The following PIGM variants were observed in gnomAD, a reference collection of about 807,000 sequenced individuals.
PIGM encodes GPI alpha-1,4-mannosyltransferase I, catalytic subunit.
A neutral mutation model predicts 14.6 loss-of-function variants in PIGM; 7 were observed. The observed-to-expected ratio is 0.48, with a 90% CI of 0.27 to 0.90. The LOEUF (loss-of-function observed/expected upper bound fraction) is 0.90. Among genes scored for constraint, PIGM ranks in the 40% least tolerant of loss-of-function variants. The probability of loss-of-function intolerance (pLI) is 0.12; values close to 1 mark genes in which losing one functional copy is unlikely to be tolerated. For synonymous variants in PIGM, 216 were observed against 215.9 expected (o/e 1.00, Z 0.00); for missense variants, 506 against 516.2 (o/e 0.98, Z 0.19).
At position 160,031,449 on chromosome 1, in the gene PIGM, A is replaced by T; in HGVS notation, c.291T>A (p.Phe97Leu). The change falls in exon 1 of 1, where the codon TTT (phenylalanine) becomes TTA (leucine). Residue 97 changes from phenylalanine (F) to leucine (L), a missense_variant. Phe to Leu is a conservative substitution (Grantham distance 22, BLOSUM62 0). Coordinates refer to ENST00000368090, the MANE Select transcript of PIGM (RefSeq NM_145167.3). The part of the protein sequence containing the change: ...NIYLSELFGK[F>L]LFISCDLLTA... ...TGAGGAGGTCGCAGCTGATGAAGAG[A>T]AACTTTCCAAAGAGCTCGCTGAGGT... 1.9e-6 allele frequency: 3 copies of T among 1,612,154 alleles called. No homozygotes were observed. The highest frequency in any genetic ancestry group is 2.5e-6 in the Non-Finnish European group (3 of 1,178,302).
rs760274698 is a variant in PIGM, at chr1:160,031,507, G to A, written c.233C>T (p.Pro78Leu). Residue 78 changes from proline (P) to leucine (L), a missense_variant, in exon 1 of 1, where the codon CCG becomes CTG. Physicochemically the swap from Pro to Leu is moderately conservative, Grantham distance 98. Coordinates refer to ENST00000368090, the MANE Select transcript of PIGM (RefSeq NM_145167.3). ...GGGAGTGAGGAGCCAACCCAGCAGCGGGGTGTAACGGTACGTGGCTCTCAG... is the reference window on the plus strand; with the variant it reads ...GGGAGTGAGGAGCCAACCCAGCAGCAGGGTGTAACGGTACGTGGCTCTCAG... ...PYLRATYRYT[P>L]LLGWLLTPNI... The A allele has an allele frequency of 1.9e-6, 3 of 1,614,192 alleles. No homozygotes were observed. In the South Asian group the frequency reaches 3.3e-5, roughly 18 times the overall value.
chr1:160,031,679 C>A lies in PIGM; in HGVS notation c.61G>T (p.Val21Phe), dbSNP rs1009038385. The A allele has an allele frequency of 6.2e-7, 1 of 1,614,226 alleles. No homozygotes were observed. The highest frequency in any genetic ancestry group is 1.3e-5 in the African/African-American group (1 of 75,052). ...LLNLKVAPAG[V>F]FGVAFLARVA... Reference sequence around the variant, plus strand: ...CTGGCTAGAAAGGCCACACCAAAGACGCCGGCTGGAGCCACCTTCAAGTTC... The same window carrying A: ...CTGGCTAGAAAGGCCACACCAAAGAAGCCGGCTGGAGCCACCTTCAAGTTC... The change falls in exon 1 of 1, where the codon GTC (valine) becomes TTC (phenylalanine). Residue 21 changes from valine (V) to phenylalanine (F), a missense_variant. Val to Phe is a conservative substitution (Grantham distance 50). Transcript: ENST00000368090.
In PIGM at chr1:160,029,777, C is replaced by CTTTTTTTTTTTTTTTTTTTTTT. The variant is rs57645641; in HGVS notation, c.*669_*690dup. On this transcript the variant is annotated 3_prime_UTR_variant, in exon 1 of 1. Coordinates refer to ENST00000368090, the MANE Select transcript of PIGM (RefSeq NM_145167.3). ...TTTCTATCTAAAAAGTTGTCCTTTC[C>CTTTTTTTTTTTTTTTTTTTTTT]TTTTTTTTTTTTTTTTTTTTTTTGA... 1 of 83,528 alleles carries CTTTTTTTTTTTTTTTTTTTTTT rather than the reference C, an allele frequency of 1.2e-5. No homozygotes were observed. The highest frequency in any genetic ancestry group is 1.8e-4 in the Admixed American group (1 of 5,512). 5.2% of individuals were successfully genotyped at this position (83,528 alleles called of 1,614,324 possible).
rs907868949 is a variant in PIGM, at chr1:160,026,488, A to C, written c.*3980T>G. The C allele has an allele frequency of 1.3e-5, 2 of 152,216 alleles. No homozygotes were observed. The highest frequency in any genetic ancestry group is 4.8e-5 in the African/African-American group (2 of 41,462). 9.4% of individuals were successfully genotyped at this position (152,216 alleles called of 1,614,324 possible). A position where few individuals can be genotyped will look rare whatever the true frequency, so the allele number is the denominator to read the frequency against. ...AAATATATAATTATACATATACATAAAGCAAATATGGCAAATTGTTGTTGA... is the reference window on the plus strand; with the variant it reads ...AAATATATAATTATACATATACATACAGCAAATATGGCAAATTGTTGTTGA... On this transcript the variant is annotated 3_prime_UTR_variant, in exon 1 of 1. Transcript: ENST00000368090.
At position 160,028,395 on chromosome 1, in the gene PIGM, T is replaced by C. The variant is rs1648232575; in HGVS notation, c.*2073A>G. ...AAAGGGTCCTCAAGACAAGACCTAA[T>C]ATGGGTATGAAACTAAATGTTATAA... On this transcript the variant is annotated 3_prime_UTR_variant, in exon 1 of 1. Coordinates refer to ENST00000368090, the MANE Select transcript of PIGM (RefSeq NM_145167.3). The C allele has an allele frequency of 1.3e-5, 2 of 151,976 alleles. No homozygotes were observed. The highest frequency in any genetic ancestry group is 4.1e-4 in the South Asian group (2 of 4,828). The allele number at this position is 151,976 out of a possible 1,614,324, so 9.4% of individuals were successfully genotyped here.
chr1:160,025,645 G>A lies in PIGM; in HGVS notation c.*4823C>T, dbSNP rs1380321992. The stretch of plus-strand genomic sequence containing the variant: ...TGACAGTGACTTGGTACAACTGAGA[G>A]AACTGCCCCTCAAAAGATTAGAAGG... On this transcript the variant is annotated 3_prime_UTR_variant, in exon 1 of 1. Coordinates refer to ENST00000368090, the MANE Select transcript of PIGM (RefSeq NM_145167.3). 6.6e-6 allele frequency: 1 copy of A among 152,178 alleles called. No homozygotes were observed. Among genetic ancestry groups the A allele is most frequent in the African/African-American group, 2.4e-5 (1 of 41,426 alleles). 9.4% of individuals were successfully genotyped at this position (152,178 alleles called of 1,614,324 possible). A position where few individuals can be genotyped will look rare whatever the true frequency, so the allele number is the denominator to read the frequency against.
At position 160,030,584 on chromosome 1, in the gene PIGM, A is replaced by G; in HGVS notation, c.1156T>C (p.Phe386Leu). 2.5e-6 allele frequency: 4 copies of G among 1,614,124 alleles called. No individual in the cohort carries two copies. The highest frequency in any genetic ancestry group is 3.4e-6 in the Non-Finnish European group (4 of 1,179,934). The change falls in exon 1 of 1, where the codon TTT (phenylalanine) becomes CTT (leucine). Residue 386 changes from phenylalanine to leucine, a missense_variant. Transcript: ENST00000368090. ...AAACCAGCTAACCAAATAAACAGAA[A>G]GGTGTTCTTTCCTTGAAACTCTAGA... is the stretch of plus-strand genomic sequence containing the variant. ...YVLEFQGKNT[F>L]LFIWLAGLFF... is the part of the protein sequence containing the mutation.
Position 160,029,892 on chromosome 1 carries a change from AT to A in PIGM, c.*575del, listed in dbSNP as rs35580584. ...AGGGGTGCACCACAACACCTGGCTA[AT>A]TTTTTTTTTTTTTTTTGAGACTAGG... On this transcript the variant is annotated 3_prime_UTR_variant, in exon 1 of 1. Coordinates refer to ENST00000368090, the MANE Select transcript of PIGM (RefSeq NM_145167.3). 0.076 allele frequency: 9,542 copies of A among 125,922 alleles called. 940 individuals carry two copies. The highest frequency in any genetic ancestry group is 0.25 in the African/African-American group (8,135 of 33,082). 7.8% of individuals were successfully genotyped at this position (125,922 alleles called of 1,614,324 possible).
Position 160,025,868 on chromosome 1 carries a change from A to G in PIGM, c.*4600T>C, listed in dbSNP as rs749068387. 3 of 152,236 alleles carry G rather than the reference A, an allele frequency of 2.0e-5. No individual in the cohort carries two copies. The highest frequency in any genetic ancestry group is 4.4e-5 in the Non-Finnish European group (3 of 68,038). The allele number at this position is 152,236 out of a possible 1,614,324, so 9.4% of individuals were successfully genotyped here. ...GTTCATCTATAAATTTAGAATATGA[A>G]TATCAACTTTGAAGTGTTGCTGTGA... On this transcript the variant is annotated 3_prime_UTR_variant, in exon 1 of 1. Transcript: ENST00000368090.
rs755981254 is a variant in PIGM, at chr1:160,025,776, T to C, written c.*4692A>G. 1.3e-5 allele frequency: 2 copies of C among 152,198 alleles called. No individual in the cohort carries two copies. The highest frequency in any genetic ancestry group is 2.9e-5 in the Non-Finnish European group (2 of 68,022). 9.4% of individuals were successfully genotyped at this position (152,198 alleles called of 1,614,324 possible). A position where few individuals can be genotyped will look rare whatever the true frequency, so the allele number is the denominator to read the frequency against. On this transcript the variant is annotated 3_prime_UTR_variant, in exon 1 of 1. Coordinates refer to ENST00000368090, the MANE Select transcript of PIGM (RefSeq NM_145167.3). Reference sequence around the variant, plus strand: ...GGGTACTCTGGAAAAATCCAAAACATAATATAATGGAAAAAGCATGGGTAA... The same window carrying C: ...GGGTACTCTGGAAAAATCCAAAACACAATATAATGGAAAAAGCATGGGTAA...
chr1:160,030,352 C>T lies in PIGM; in HGVS notation c.*116G>A. The stretch of plus-strand genomic sequence containing the variant: ...ACATTGCTTTTAAGTTCTGTTGGAA[C>T]ATGGGAACTTTCACTAGAATGCTTA... On this transcript the variant is annotated 3_prime_UTR_variant, in exon 1 of 1. Coordinates refer to ENST00000368090, the MANE Select transcript of PIGM (RefSeq NM_145167.3). 9.1e-7 allele frequency: 1 copy of T among 1,102,908 alleles called. No individual in the cohort carries two copies. The allele number at this position is 1,102,908 out of a possible 1,614,324, so 68.3% of individuals were successfully genotyped here.
At position 160,027,933 on chromosome 1, in the gene PIGM, T is replaced by C. The variant is rs760675599; in HGVS notation, c.*2535A>G. The C allele has an allele frequency of 1.1e-4, 17 of 152,288 alleles. No homozygotes were observed. The highest frequency in any genetic ancestry group is 6.8e-3 in the Middle Eastern group (2 of 294). The allele number at this position is 152,288 out of a possible 1,614,324, so 9.4% of individuals were successfully genotyped here. ...ATTTCTTGCAGGAAAGATTCCAAAG[T>C]TTGAAGTTCCCTCCAACGATCCCAG... is the stretch of plus-strand genomic sequence containing the variant. On this transcript the variant is annotated 3_prime_UTR_variant, in exon 1 of 1. Coordinates refer to ENST00000368090, the MANE Select transcript of PIGM (RefSeq NM_145167.3).
rs1440224213 is a variant in PIGM, at chr1:160,026,571, T to C, written c.*3897A>G. 1 of 152,224 alleles carries C rather than the reference T, an allele frequency of 6.6e-6. No homozygotes were observed. Among genetic ancestry groups the C allele is most frequent in the Non-Finnish European group, 1.5e-5 (1 of 68,040 alleles). 9.4% of individuals were successfully genotyped at this position (152,224 alleles called of 1,614,324 possible). A position where few individuals can be genotyped will look rare whatever the true frequency, so the allele number is the denominator to read the frequency against. ...AATAGTTAGGTCAGGCGGGGTGCAG[T>C]GGCTCACGCCTGGAATCCCAACACT... is the stretch of plus-strand genomic sequence containing the variant. On this transcript the variant is annotated 3_prime_UTR_variant, in exon 1 of 1. Transcript: ENST00000368090.
At position 160,025,494 on chromosome 1, in the gene PIGM, T is replaced by C. The variant is rs1648161826; in HGVS notation, c.*4974A>G. Reference sequence around the variant, plus strand: ...AGTTCAGCAAATCAACTTCTTAAAATAGGCTATGAAGGAAAAGTGCATGAT... The same window carrying C: ...AGTTCAGCAAATCAACTTCTTAAAACAGGCTATGAAGGAAAAGTGCATGAT... On this transcript the variant is annotated 3_prime_UTR_variant, in exon 1 of 1. Coordinates refer to ENST00000368090, the MANE Select transcript of PIGM (RefSeq NM_145167.3). 6.6e-6 allele frequency: 1 copy of C among 152,202 alleles called. No individual in the cohort carries two copies. 9.4% of individuals were successfully genotyped at this position (152,202 alleles called of 1,614,324 possible). A position where few individuals can be genotyped will look rare whatever the true frequency, so the allele number is the denominator to read the frequency against.
Position 160,030,813 on chromosome 1 carries a change from A to G in PIGM, c.927T>C (p.Tyr309=), listed in dbSNP as rs1443509400. The change falls in exon 1 of 1, where the codon TAT becomes TAC. Residue 309 remains tyrosine (Y), a synonymous_variant. Transcript: ENST00000368090. ...AACAACAAAAAACGAGGTCTCTGTA[A>G]TAGGCGAAAGACACAGCTGAAAGCA... ...LILLSAVSFA[Y]YRDLVFCCFL... The G allele has an allele frequency of 2.5e-6, 4 of 1,614,116 alleles. No individual in the cohort carries two copies. Among genetic ancestry groups the G allele is most frequent in the Non-Finnish European group, 3.4e-6 (4 of 1,180,040 alleles).
chr1:160,031,525 G>T lies in PIGM; in HGVS notation c.215C>A (p.Ala72Asp), dbSNP rs768012131. 26 of 1,614,090 alleles carry T rather than the reference G, an allele frequency of 1.6e-5. No homozygotes were observed. Among genetic ancestry groups the T allele is most frequent in the Non-Finnish European group, 2.1e-5 (25 of 1,180,052 alleles). The change falls in exon 1 of 1, where the codon GCC becomes GAC. Residue 72 changes from alanine (A) to aspartate (D), a missense_variant. Coordinates refer to ENST00000368090, the MANE Select transcript of PIGM (RefSeq NM_145167.3). ...CAGCAGCGGGGTGTAACGGTACGTG[G>T]CTCTCAGGTAAGGCGAGCGCCCCTC... ...VTEGRSPYLR[A>D]TYRYTPLLGW...
chr1:160,026,606 C>T lies in PIGM; in HGVS notation c.*3862G>A, dbSNP rs1648190685. 6.6e-6 allele frequency: 1 copy of T among 151,946 alleles called. No homozygotes were observed. Among genetic ancestry groups the T allele is most frequent in the Non-Finnish European group, 1.5e-5 (1 of 67,990 alleles). 9.4% of individuals were successfully genotyped at this position (151,946 alleles called of 1,614,324 possible). A position where few individuals can be genotyped will look rare whatever the true frequency, so the allele number is the denominator to read the frequency against. On this transcript the variant is annotated 3_prime_UTR_variant, in exon 1 of 1. Coordinates refer to ENST00000368090, the MANE Select transcript of PIGM (RefSeq NM_145167.3). ...CTGGAATCCCAACACTTTGGGAAGC[C>T]AATGAGGGAAGATCACTTAAGTGAT...
chr1:160,029,753 T>C lies in PIGM; in HGVS notation c.*715A>G, dbSNP rs1331736854. On this transcript the variant is annotated 3_prime_UTR_variant, in exon 1 of 1. Coordinates refer to ENST00000368090, the MANE Select transcript of PIGM (RefSeq NM_145167.3). ...AGCATCTTAGTATTATTTAATACTT[T>C]TCTATCTAAAAAGTTGTCCTTTCCT... 6.6e-6 allele frequency: 1 copy of C among 150,950 alleles called. No individual in the cohort carries two copies. Among genetic ancestry groups the C allele is most frequent in the Admixed American group, 6.6e-5 (1 of 15,118 alleles). The allele number at this position is 150,950 out of a possible 1,614,324, so 9.4% of individuals were successfully genotyped here. A position where few individuals can be genotyped will look rare whatever the true frequency, so the allele number is the denominator to read the frequency against.
Position 160,029,100 on chromosome 1 carries a change from TG to T in PIGM, c.*1367del, listed in dbSNP as rs1211703209. On this transcript the variant is annotated 3_prime_UTR_variant, in exon 1 of 1. Coordinates refer to ENST00000368090, the MANE Select transcript of PIGM (RefSeq NM_145167.3). ...CCATTTTTACAACATAGATAACACTTGGTTGACTTAAATTCTAGAAGAAAAA... is the reference window on the plus strand; with the variant it reads ...CCATTTTTACAACATAGATAACACTTGTTGACTTAAATTCTAGAAGAAAAA... 5 of 152,196 alleles carry T rather than the reference TG, an allele frequency of 3.3e-5. No individual in the cohort carries two copies. Among genetic ancestry groups the T allele is most frequent in the Non-Finnish European group, 5.9e-5 (4 of 68,040 alleles). The allele number at this position is 152,196 out of a possible 1,614,324, so 9.4% of individuals were successfully genotyped here.
Sources: allele counts gnomAD v4.1 joint callset, GRCh38; gene constraint gnomAD v4.1.1; transcripts MANE v1.5; gene names NCBI Gene and HGNC (gene_info 2026-07-23, HGNC 2026-07-21).